SLC25A24: variants seen among roughly 807,000 people sequenced by gnomAD.
SLC25A24 encodes the protein mitochondrial adenyl nucleotide antiporter SLC25A24.
Under a neutral mutation model 60.7 loss-of-function variants are expected in SLC25A24, and 49 were observed. The observed-to-expected ratio is 0.81, with a 90% CI of 0.64 to 1.02. The LOEUF is 1.02. Among genes scored for constraint, SLC25A24 ranks in the 50% least tolerant of loss-of-function variants. SLC25A24 has a pLI of 0.00. For missense variants in SLC25A24, 564 were observed against 586.3 expected, an observed-to-expected ratio of 0.96 and a Z score of 0.39; for synonymous variants, 202 against 200.6, an observed-to-expected ratio of 1.01 and a Z score of -0.06.
intron 6 of SLC25A24, 56 bp from the exon 7 acceptor site, chr1:108,148,442 C>A (rs1679666894): frequency 4.2e-6 from 4 of 957,808 alleles, no homozygotes; most frequent in Admixed American, 1.7e-5. Flanking sequence ...TGAGCTGCAC[C>A]CCCACCAAAT....
rs537637723 is a variant in SLC25A24 at position 108,140,576 on chromosome 1, A to C, written c.1099-1368T>G. 3.9e-5 allele frequency among the ~76,000 whole-genome samples: 6 copies of C among 152,282 alleles called. No individual in the cohort carries two copies. In the South Asian group the frequency reaches 1.2e-3, roughly 32 times the overall value. ...TAAACAGAATTTAAAGAAGAAAAGCATAAAAAGTAACTATAAATCTATGTT... is the reference window on the plus strand; with the variant it reads ...TAAACAGAATTTAAAGAAGAAAAGCCTAAAAAGTAACTATAAATCTATGTT... On this transcript the variant is annotated intron_variant, in intron 8 of 9. Transcript: ENST00000565488.
chr1:108,186,832 C>T lies in SLC25A24; in HGVS notation c.184-878G>A, dbSNP rs1048358091. Among the ~76,000 whole-genome samples, 13 of 152,138 alleles carry T rather than the reference C, an allele frequency of 8.5e-5. No individual in the cohort carries two copies. In the East Asian group the frequency reaches 2.5e-3, roughly 30 times the overall value. On this transcript the variant is annotated intron_variant, in intron 1 of 9. Transcript: ENST00000565488. Reference sequence around the variant, plus strand: ...GTGGCTCATTCCTATAATCCCAGCACTTTGGGAGGCTGAGGTGGGCGGATC... The same window carrying T: ...GTGGCTCATTCCTATAATCCCAGCATTTTGGGAGGCTGAGGTGGGCGGATC...
chr1:108,145,562 A>AG (rs1679564942), intron 7 of SLC25A24, among the ~76,000 whole-genome samples: 1 of 146,834 alleles, frequency 6.8e-6, no homozygotes, highest in African/African-American at 2.5e-5. Context: ...TTAAGACTTT[A>AG]ATCTATCTTG....
chr1:108,185,896 A>C lies in SLC25A24; in HGVS notation c.242T>G (p.Met81Arg), dbSNP rs1208066321. 2 of 1,597,062 alleles carry C rather than the reference A, an allele frequency of 1.3e-6. No homozygotes were observed. Residue 81 changes from methionine (M) to arginine (R), a missense_variant, in exon 2 of 10, where the codon ATG becomes AGG. Coordinates refer to ENST00000565488, the MANE Select transcript of SLC25A24 (RefSeq NM_013386.5). ...CTTCTCATGGTCTTTAAGGTACTTC[A>C]TAAATTCTTCAAAATCCAGCTTCCC... ...KDGKLDFEEF[M>R]KYLKDHEKKM... is the part of the protein sequence containing the mutation.
At position 108,185,875 on chromosome 1, in the gene SLC25A24, T is replaced by G. The variant is rs1648108382; in HGVS notation, c.263A>C (p.Glu88Ala). The G allele has an allele frequency of 6.3e-7, 1 of 1,590,562 alleles. No homozygotes were observed. Among genetic ancestry groups the G allele is most frequent in the Non-Finnish European group, 8.6e-7 (1 of 1,161,874 alleles). Reference protein sequence around the residue: ...EEFMKYLKDHEKKMKLAFKSL... With the variant: ...EEFMKYLKDHAKKMKLAFKSL... Reference sequence around the variant, plus strand: ...CTTAAATGCCAATTTCATTTTCTTCTCATGGTCTTTAAGGTACTTCATAAA... The same window carrying G: ...CTTAAATGCCAATTTCATTTTCTTCGCATGGTCTTTAAGGTACTTCATAAA... Residue 88 changes from glutamate to alanine, a missense_variant, in exon 2 of 10, where the codon GAG becomes GCG. Glu to Ala is a moderately radical substitution (Grantham distance 107). Coordinates refer to ENST00000565488, the MANE Select transcript of SLC25A24 (RefSeq NM_013386.5).
intron 7 of SLC25A24, among the ~76,000 whole-genome samples, chr1:108,146,533 T>A (rs576377868): frequency 6.6e-6 from 1 of 152,350 alleles, no homozygotes; most frequent in East Asian, 1.9e-4. Flanking sequence ...GCCCATTCAG[T>A]ATGATATTGG....
rs532485349 is a variant in SLC25A24 at position 108,180,616 on chromosome 1, A to ATCCC, written c.398+1324_398+1325insGGGA. On this transcript the variant is annotated intron_variant, in intron 3 of 9. Coordinates refer to ENST00000565488, the MANE Select transcript of SLC25A24 (RefSeq NM_013386.5). ...CCTTATAATAGAAAGCAAGAGAAAG[A>ATCCC]TCTCTCTCTCTCTCTCTCTCTCTCT... Among the ~76,000 whole-genome samples the ATCCC allele has an allele frequency of 2.1e-3, 127 of 61,806 alleles. 11 individuals carry two copies. Among genetic ancestry groups the ATCCC allele is most frequent in the African/African-American group, 8.1e-3 (118 of 14,530 alleles). 40.5% of individuals were successfully genotyped at this position (61,806 alleles called of 152,430 possible).
At chr1:108,170,676 GT>G (rs1647431474) in intron 3 of SLC25A24, among the ~76,000 whole-genome samples, 3 of 151,700 alleles carry the variant, frequency 2.0e-5, no homozygotes, top group African/African-American at 4.8e-5. Context: ...TTTTATTAAT[GT>G]TTTTACTATA....
At chr1:108,161,501 GC>G (rs1281226442) in intron 3 of SLC25A24, among the ~76,000 whole-genome samples, 1 of 152,010 alleles carries the variant, frequency 6.6e-6, no homozygotes, top group Admixed American at 6.6e-5. Flanking sequence ...ATAAAAATGG[GC>G]CCAAAAATTA....
chr1:108,148,361 C>A lies in SLC25A24; in HGVS notation c.848G>T (p.Gly283Val). Residue 283 changes from glycine (G) to valine (V), a missense_variant, in exon 7 of 10, where the codon GGA becomes GTA. By Grantham distance (109) the Gly-to-Val change is moderately radical. Transcript: ENST00000565488. ...TCTCTCAAATGTTCCTATTTTTTGTCCTTCTTCAGTAAGTAACTTCTTGTA... is the reference window on the plus strand; with the variant it reads ...TCTCTCAAATGTTCCTATTTTTTGTACTTCTTCAGTAAGTAACTTCTTGTA... ...EQYKKLLTEEGQKIGTFERFI... is the reference protein window; with the variant it reads ...EQYKKLLTEEVQKIGTFERFI... 2 of 1,611,050 alleles carry A rather than the reference C, an allele frequency of 1.2e-6. No homozygotes were observed. Among genetic ancestry groups the A allele is most frequent in the South Asian group, 2.2e-5 (2 of 91,028 alleles).
intron 2 of SLC25A24, among the ~76,000 whole-genome samples, chr1:108,182,936 G>A (rs7555404): frequency 0.5 from 75,946 of 151,838 alleles, 19,454 homozygotes; most frequent in African/African-American, 0.61. Flanking sequence ...AAATTAGAGC[G>A]TGTTTGTGGA....
intron 5 of SLC25A24, among the ~76,000 whole-genome samples, chr1:108,157,077 T>C (rs909542531): frequency 6.6e-6 from 1 of 152,226 alleles, no homozygotes; most frequent in Admixed American, 6.5e-5. Context: ...AGCTTTAGAA[T>C]AATTTTCAAA....
chr1:108,152,101 A>C (rs1679771290), intron 6 of SLC25A24, among the ~76,000 whole-genome samples: 1 of 152,104 alleles, frequency 6.6e-6, no homozygotes, highest in Non-Finnish European at 1.5e-5. Flanking sequence ...ATATTCCTTA[A>C]ATGTGAATGT....
chr1:108,137,798 T>C (rs186305684), intron 9 of SLC25A24, among the ~76,000 whole-genome samples: 4 of 152,314 alleles, frequency 2.6e-5, no homozygotes, highest in East Asian at 3.9e-4. Context: ...TCTGCCCCAG[T>C]TGCTCATCTG....
At position 108,136,054 on chromosome 1, in the gene SLC25A24, T is replaced by C. The variant is rs1025165423; in HGVS notation, c.*599A>G. 6.6e-5 allele frequency: 10 copies of C among 152,230 alleles called. No homozygotes were observed. The highest frequency in any genetic ancestry group is 2.4e-4 in the African/African-American group (10 of 41,462). 9.4% of individuals were successfully genotyped at this position (152,230 alleles called of 1,614,324 possible). A position where few individuals can be genotyped will look rare whatever the true frequency, so the allele number is the denominator to read the frequency against. ...ATGGTACAGTGGTAAAATGGAAAAG[T>C]GCCCACTGAAATAAATATAATTTCA... On this transcript the variant is annotated 3_prime_UTR_variant, in exon 10 of 10. Coordinates refer to ENST00000565488, the MANE Select transcript of SLC25A24 (RefSeq NM_013386.5).
At chr1:108,160,323 G>A (rs1207615010) in intron 4 of SLC25A24, among the ~76,000 whole-genome samples, 1 of 151,424 alleles carries the variant, frequency 6.6e-6, no homozygotes, top group East Asian at 2.0e-4. Flanking sequence ...TGGGATGGCG[G>A]CCGGGAAGAG....
intron 3 of SLC25A24, among the ~76,000 whole-genome samples, chr1:108,176,906 G>A (rs1647692611): frequency 6.6e-6 from 1 of 152,082 alleles, no homozygotes; most frequent in Non-Finnish European, 1.5e-5. Flanking sequence ...AGATGCTAAT[G>A]AGTAACACAA....
At chr1:108,170,524 C>T (rs920634100) in intron 3 of SLC25A24, among the ~76,000 whole-genome samples, 1 of 152,052 alleles carries the variant, frequency 6.6e-6, no homozygotes, top group Admixed American at 6.6e-5. Flanking sequence ...TTTTTCTCTG[C>T]TTGACCTATC....
intron 3 of SLC25A24, among the ~76,000 whole-genome samples, chr1:108,167,529 A>G (rs553789221): frequency 1.4e-4 from 21 of 152,356 alleles, no homozygotes; most frequent in Admixed American, 6.5e-4. Context: ...AAAGCGCAGT[A>G]TTCAGGTGGG....
Sources: gnomAD v4.1 joint callset for allele counts (sites outside exome capture counted in the v4.1 genomes callset) on GRCh38, gnomAD v4.1.1 for gene constraint, MANE v1.5 for transcripts, NCBI Gene and HGNC (gene_info 2026-07-23, HGNC 2026-07-21) for gene names.